The following LEPR variants were observed in gnomAD, a reference collection of about 807,000 sequenced individuals.
LEPR encodes the protein leptin receptor, also known as OB receptor.
Under a neutral mutation model 114.7 loss-of-function variants are expected in LEPR, and 56 were observed. The observed-to-expected ratio is 0.49, with a 90% CI of 0.39 to 0.61. The LOEUF (loss-of-function observed/expected upper bound fraction) is 0.61. Among genes scored for constraint, LEPR ranks in the 20% least tolerant of loss-of-function variants. The pLI, the probability that LEPR is intolerant of heterozygous loss-of-function variation, is 0.00. For missense variants in LEPR, 1,202 were observed against 1,352.9 expected (o/e 0.89, Z 1.75); for synonymous variants, 443 against 461.4 (o/e 0.96, Z 0.51).
chr1:65,424,569 G>T (rs1646320585), intron 1 of LEPR, among the ~76,000 whole-genome samples: 1 of 152,152 alleles, frequency 6.6e-6, no homozygotes, highest in Admixed American at 6.5e-5. Flanking sequence ...GGCAGACATG[G>T]GTCATTGTCT....
At chr1:65,635,232 C>T (rs1938496) in intron 19 of LEPR, 180,110 of 972,164 alleles carry the variant, frequency 0.19, 18,876 homozygotes, top group East Asian at 0.78. Flanking sequence ...AAGCTGAACA[C>T]ATTTTCTATA....
chr1:65,618,734 T>C (rs1432363016), intron 16 of LEPR, among the ~76,000 whole-genome samples: 1 of 152,146 alleles, frequency 6.6e-6, no homozygotes, highest in Non-Finnish European at 1.5e-5. Flanking sequence ...ATCAATTTTC[T>C]CCTCATTTCT....
At chr1:65,613,496 G>A (rs915076387) in intron 14 of LEPR, among the ~76,000 whole-genome samples, 1 of 97,298 alleles carries the variant, frequency 1.0e-5, no homozygotes, top group Non-Finnish European at 2.2e-5. Flanking sequence ...GCTCACGCCT[G>A]TAATCCCAGC....
chr1:65,566,201 C>CTTTTT (rs35617332), intron 3 of LEPR, among the ~76,000 whole-genome samples: 7 of 113,540 alleles, frequency 6.2e-5, no homozygotes, highest in East Asian at 5.4e-4. Context: ...TAGATTAATT[C>CTTTTT]TTTTTTTTTT....
intron 2 of LEPR, among the ~76,000 whole-genome samples, chr1:65,439,558 T>C (rs1012870038): frequency 3.9e-5 from 6 of 152,166 alleles, no homozygotes; most frequent in Non-Finnish European, 8.8e-5. Flanking sequence ...GGCTCATGCC[T>C]GTAATCCCAG....
intron 2 of LEPR, among the ~76,000 whole-genome samples, chr1:65,519,682 A>C (rs945767130): frequency 1.3e-5 from 2 of 151,840 alleles, no homozygotes; most frequent in Admixed American, 1.3e-4. Context: ...CTTCCTCAGA[A>C]GGAAGTGAGA....
chr1:65,518,134 C>T (rs147113460), intron 2 of LEPR, among the ~76,000 whole-genome samples: 7 of 152,060 alleles, frequency 4.6e-5, no homozygotes, highest in Non-Finnish European at 8.8e-5. Flanking sequence ...TGTTTACATC[C>T]GAGTAGTTTT....
chr1:65,523,994 C>T (rs1171280), intron 2 of LEPR, among the ~76,000 whole-genome samples: 108,554 of 152,076 alleles, frequency 0.71, 39,881 homozygotes, highest in Middle Eastern at 0.87. Flanking sequence ...ACTGGAGTTA[C>T]GTGGCCACAA....
At chr1:65,548,673 C>T (rs1263157553) in intron 2 of LEPR, among the ~76,000 whole-genome samples, 1 of 152,180 alleles carries the variant, frequency 6.6e-6, no homozygotes, top group African/African-American at 2.4e-5. Flanking sequence ...AGATCCTCCT[C>T]CGTCCTTTTA....
chr1:65,588,844 T>G (rs1370300959), intron 5 of LEPR, among the ~76,000 whole-genome samples: 1 of 152,118 alleles, frequency 6.6e-6, no homozygotes, highest in Non-Finnish European at 1.5e-5. Context: ...TGATAGGCAT[T>G]TAAATTGTTT....
chr1:65,602,023 A>G (rs1332874050), intron 10 of LEPR, 63 bp downstream of exon 10: 1 of 1,331,946 alleles, frequency 7.5e-7, no homozygotes, highest in Non-Finnish European at 1.1e-6. Context: ...TTTTCTTTAG[A>G]AATATTACAA....
chr1:65,467,685 G>C (rs1647032546), intron 2 of LEPR, among the ~76,000 whole-genome samples: 1 of 152,198 alleles, frequency 6.6e-6, no homozygotes, highest in Non-Finnish European at 1.5e-5. Flanking sequence ...GCTGCGGTGG[G>C]CTCCACCCAG....
chr1:65,460,092 G>T (rs1240579809), intron 2 of LEPR, among the ~76,000 whole-genome samples: 1 of 149,160 alleles, frequency 6.7e-6, no homozygotes, highest in African/African-American at 2.5e-5. Flanking sequence ...TATCCACATA[G>T]TAATAAGCCA....
In LEPR at chr1:65,565,604, G is replaced by T. The variant is rs142395970; in HGVS notation, c.39G>T (p.Trp13Cys). The change falls in exon 3 of 20, where the codon TGG (tryptophan) becomes TGT (cysteine). Residue 13 changes from tryptophan to cysteine, a missense_variant and splice_region_variant. Physicochemically the swap from Trp to Cys is radical, Grantham distance 215. Coordinates refer to ENST00000349533, the MANE Select transcript of LEPR (RefSeq NM_002303.6). The stretch of plus-strand genomic sequence containing the variant: ...AATTCTGTGTGGTTTTGTTACATTG[G>T]GGTAAGTTATTTGCTCATTTGCTGT... ...CQKFCVVLLH[W>C]EFIYVITAFN... is the part of the protein sequence containing the mutation. 17 of 1,613,798 alleles carry T rather than the reference G, an allele frequency of 1.1e-5. No homozygotes were observed. The African/African-American group carries it at 1.5e-4, about 14-fold the overall frequency.
intron 2 of LEPR, among the ~76,000 whole-genome samples, chr1:65,478,169 G>A (rs1166454156): frequency 1.3e-5 from 2 of 152,148 alleles, no homozygotes; most frequent in African/African-American, 4.8e-5. Context: ...AAACTAAGAG[G>A]AAGACCAAGT....
chr1:65,456,687 CT>C (rs1646880964), intron 2 of LEPR, among the ~76,000 whole-genome samples: 1 of 152,090 alleles, frequency 6.6e-6, no homozygotes, highest in Non-Finnish European at 1.5e-5. Flanking sequence ...TGTTTTTAAT[CT>C]ATACTGTCTA....
chr1:65,440,000 CAAAAAAAAAAAA>C (rs550347312), intron 2 of LEPR, among the ~76,000 whole-genome samples: 8 of 58,136 alleles, frequency 1.4e-4, no homozygotes, highest in Admixed American at 2.5e-4. Flanking sequence ...GATTCTGTCT[CAAAAAAAAAAAA>C]AAAAAAAAAA....
chr1:65,540,140 A>T (rs961622187), intron 2 of LEPR, among the ~76,000 whole-genome samples: 9 of 152,126 alleles, frequency 5.9e-5, no homozygotes, highest in Non-Finnish European at 1.3e-4. Context: ...TGCAGACCAA[A>T]ATGGCCTCTC....
At position 65,434,889 on chromosome 1, in the gene LEPR, A is replaced by G. The variant is rs1040998992; in HGVS notation, c.-21+9511A>G. The stretch of plus-strand genomic sequence containing the variant: ...CAGCTGATGTCATGTGGTGCTGAGA[A>G]GAAAGCAGATCACACTTCATCACAG... On this transcript the variant is annotated intron_variant, in intron 2 of 19. Coordinates refer to ENST00000349533, the MANE Select transcript of LEPR (RefSeq NM_002303.6). 1.5e-5 allele frequency: 15 copies of G among 985,402 alleles called. No individual in the cohort carries two copies. The South Asian group carries it at 3.3e-4, about 22-fold the overall frequency. The allele number at this position is 985,402 out of a possible 1,614,324, so 61.0% of individuals were successfully genotyped here.
Sources: gnomAD v4.1 joint callset for allele counts (sites outside exome capture counted in the v4.1 genomes callset) on GRCh38, gnomAD v4.1.1 for gene constraint, MANE v1.5 for transcripts, NCBI Gene and HGNC (gene_info 2026-07-23, HGNC 2026-07-21) for gene names.